SRGAP1: variants seen among roughly 807,000 people sequenced by gnomAD.
SRGAP1 encodes SLIT-ROBO Rho GTPase activating protein 1.
A neutral mutation model predicts 121.9 loss-of-function variants in SRGAP1; 43 were observed. The observed-to-expected ratio is 0.35, with a 90% CI of 0.28 to 0.46. SRGAP1 has a LOEUF of 0.46. Among genes scored for constraint, SRGAP1 ranks in the 20% least tolerant of loss-of-function variants. The probability of loss-of-function intolerance (pLI) is 1.00; values close to 1 mark genes in which losing one functional copy is unlikely to be tolerated. For synonymous variants in SRGAP1, 447 were observed against 485.4 expected, an observed-to-expected ratio of 0.92 and a Z score of 1.04; for missense variants, 1,102 against 1,350.9, an observed-to-expected ratio of 0.82 and a Z score of 2.89.
intron 16 of SRGAP1, among the ~76,000 whole-genome samples, chr12:64,110,750 T>G (rs1366760833): frequency 2.6e-5 from 4 of 152,222 alleles, no homozygotes; most frequent in Non-Finnish European, 1.5e-5. Flanking sequence ...TATTGTGTGT[T>G]TGAGAAATGG....
chr12:64,157,714 T>C lies in SRGAP1; in HGVS notation c.*15042T>C, dbSNP rs977777748. On this transcript the variant is annotated 3_prime_UTR_variant, in exon 22 of 22. Transcript: ENST00000355086. ...AATAGTAGTTAAATGTGGGGCTCTG[T>C]AGGCAATAGATCTAGGTCAGATACT... The C allele has an allele frequency of 5.9e-5, 9 of 152,266 alleles. No individual in the cohort carries two copies. In the East Asian group the frequency reaches 1.5e-3, roughly 26 times the overall value. The allele number at this position is 152,266 out of a possible 1,614,324, so 9.4% of individuals were successfully genotyped here.
chr12:64,091,448 G>A, intron 12 of SRGAP1, 70 bp downstream of exon 12: 2 of 1,102,520 alleles, frequency 1.8e-6, no homozygotes, highest in Non-Finnish European at 2.6e-6. Flanking sequence ...CCTCTTGTAA[G>A]AGGAGGAAGG....
At chr12:63,990,805 G>GATT (rs1287440639) in intron 3 of SRGAP1, among the ~76,000 whole-genome samples, 1 of 152,208 alleles carries the variant, frequency 6.6e-6, no homozygotes, top group Non-Finnish European at 1.5e-5. Context: ...TGAAGAACAA[G>GATT]ATTATTACAT....
intron 4 of SRGAP1, among the ~76,000 whole-genome samples, chr12:64,029,381 T>C (rs1181980376): frequency 2.0e-5 from 3 of 152,216 alleles, no homozygotes; most frequent in African/African-American, 7.2e-5. Flanking sequence ...GATGGGTTCT[T>C]TCTACGAATA....
intron 4 of SRGAP1, among the ~76,000 whole-genome samples, chr12:64,017,792 T>A (rs920759581): frequency 6.6e-6 from 1 of 152,164 alleles, no homozygotes; most frequent in African/African-American, 2.4e-5. Context: ...TTGAAGGATA[T>A]CTTTTTTTTT....
chr12:63,855,716 T>G (rs1260033912), intron 1 of SRGAP1, among the ~76,000 whole-genome samples: 1 of 151,866 alleles, frequency 6.6e-6, no homozygotes, highest in Non-Finnish European at 1.5e-5. Context: ...CTTGAACTCC[T>G]GGGCTCAAGT....
At chr12:64,056,744 G>C (rs1420545523) in intron 6 of SRGAP1, among the ~76,000 whole-genome samples, 1 of 152,014 alleles carries the variant, frequency 6.6e-6, no homozygotes, top group African/African-American at 2.4e-5. Context: ...CCATACATCA[G>C]GTACATTAGC....
chr12:63,966,778 C>T (rs967997030), intron 1 of SRGAP1, among the ~76,000 whole-genome samples: 1 of 152,146 alleles, frequency 6.6e-6, no homozygotes, highest in South Asian at 2.1e-4. Flanking sequence ...TGGTTTTGTG[C>T]ACTCCAAGTC....
intron 7 of SRGAP1, among the ~76,000 whole-genome samples, chr12:64,064,780 A>G (rs1189770736): frequency 6.6e-6 from 1 of 152,160 alleles, no homozygotes; most frequent in Non-Finnish European, 1.5e-5. Flanking sequence ...ATCCACTTGA[A>G]TCATCTTCTG....
Position 64,098,360 on chromosome 12 carries a change from TA to T in SRGAP1, c.1813+1001del, listed in dbSNP as rs74262000. Among the ~76,000 whole-genome samples, 975 of 136,814 alleles carry T rather than the reference TA, an allele frequency of 7.1e-3. 2 individuals are homozygous for T. The highest frequency in any genetic ancestry group is 0.011 in the Admixed American group (152 of 13,482). The allele number at this position is 136,814 out of a possible 152,430, so 89.8% of individuals were successfully genotyped here. A position where few individuals can be genotyped will look rare whatever the true frequency, so the allele number is the denominator to read the frequency against. On this transcript the variant is annotated intron_variant, in intron 15 of 21. Coordinates refer to ENST00000355086, the MANE Select transcript of SRGAP1 (RefSeq NM_020762.4). ...TGCATTCTCACACTGCAGCTAGAGT[TA>T]AAAAAAAAAAAAAAACTGGGTTGCT...
chr12:64,002,134 G>T (rs946341036), intron 3 of SRGAP1, among the ~76,000 whole-genome samples: 2 of 152,196 alleles, frequency 1.3e-5, no homozygotes, highest in Non-Finnish European at 2.9e-5. Flanking sequence ...AACATGGAGG[G>T]CTGTAGGAGA....
chr12:64,003,272 C>T (rs567568821), intron 3 of SRGAP1, among the ~76,000 whole-genome samples: 54 of 151,628 alleles, frequency 3.6e-4, no homozygotes, highest in African/African-American at 8.2e-4. Flanking sequence ...ATTTTTTTGG[C>T]GATGGGGTTT....
Position 64,036,848 on chromosome 12 carries a change from A to G in SRGAP1, c.490-5942A>G, listed in dbSNP as rs71467165. Among the ~76,000 whole-genome samples, 223 of 152,262 alleles carry G rather than the reference A, an allele frequency of 1.5e-3. 1 individual carries two copies. Among genetic ancestry groups the G allele is most frequent in the South Asian group, 3.3e-3 (16 of 4,818 alleles). On this transcript the variant is annotated intron_variant, in intron 4 of 21. Coordinates refer to ENST00000355086, the MANE Select transcript of SRGAP1 (RefSeq NM_020762.4). ...CTTATCCTTCATTTGATTCTCACCTATTTTACTCATACTGTATATGAGACA... is the reference window on the plus strand; with the variant it reads ...CTTATCCTTCATTTGATTCTCACCTGTTTTACTCATACTGTATATGAGACA...
At chr12:64,030,237 G>C (rs1242345755) in intron 4 of SRGAP1, among the ~76,000 whole-genome samples, 1 of 152,090 alleles carries the variant, frequency 6.6e-6, no homozygotes, top group East Asian at 1.9e-4. Flanking sequence ...AGTCCAATAA[G>C]ACAAGGCCTA....
intron 3 of SRGAP1, among the ~76,000 whole-genome samples, chr12:64,016,552 G>C (rs143083449): frequency 3.3e-4 from 50 of 152,284 alleles, no homozygotes; most frequent in Non-Finnish European, 6.2e-4. Flanking sequence ...TTTGGGCAGA[G>C]GGAGTTAATT....
chr12:64,093,166 T>G lies in SRGAP1; in HGVS notation c.1540-1766T>G, dbSNP rs191811922. The stretch of plus-strand genomic sequence containing the variant: ...GGAAAACCGACACCAAGGGATTAGT[T>G]TGAATGATAGATGGAATGCACCCCC... On this transcript the variant is annotated intron_variant, in intron 12 of 21. Coordinates refer to ENST00000355086, the MANE Select transcript of SRGAP1 (RefSeq NM_020762.4). 1.8e-3 allele frequency among the ~76,000 whole-genome samples: 272 copies of G among 152,302 alleles called. 1 individual carries two copies. The highest frequency in any genetic ancestry group is 4.0e-3 in the Admixed American group (61 of 15,296).
intron 1 of SRGAP1, among the ~76,000 whole-genome samples, chr12:63,948,027 T>C (rs1448296649): frequency 6.6e-6 from 1 of 152,202 alleles, no homozygotes; most frequent in Non-Finnish European, 1.5e-5. Context: ...ATGACTTTTT[T>C]TTCATCTATT....
intron 21 of SRGAP1, among the ~76,000 whole-genome samples, chr12:64,140,575 C>G (rs2036940498): frequency 6.6e-6 from 1 of 151,928 alleles, no homozygotes; most frequent in African/African-American, 2.4e-5. Context: ...CAATGAGATA[C>G]CATCTCACAC....
In SRGAP1 at chr12:64,106,223, C is replaced by T. The variant is rs138693631; in HGVS notation, c.1814-2709C>T. ...AACACCCAAGATTCTCAATAAACAG[C>T]GGGAGAAGTTTTATTGTTGTCTTAA... On this transcript the variant is annotated intron_variant, in intron 15 of 21. Transcript: ENST00000355086. Among the ~76,000 whole-genome samples the T allele has an allele frequency of 2.4e-3, 370 of 152,184 alleles. 1 individual carries two copies. The highest frequency in any genetic ancestry group is 8.7e-3 in the African/African-American group (360 of 41,522).
Sources: allele counts gnomAD v4.1 joint callset (sites outside exome capture counted in the v4.1 genomes callset), GRCh38; gene constraint gnomAD v4.1.1; transcripts MANE v1.5; gene names NCBI Gene and HGNC (gene_info 2026-07-23, HGNC 2026-07-21).